RAD51D: variants seen among roughly 807,000 people sequenced by gnomAD.
The protein encoded by RAD51D is RAD51 paralog D.
A neutral mutation model predicts 44.1 loss-of-function variants in RAD51D; 38 were observed. The observed-to-expected ratio is 0.86, with a 90% confidence interval of 0.67 to 1.13. The LOEUF is 1.13. Among genes scored for constraint, RAD51D ranks in the 50% most tolerant of loss-of-function variants. RAD51D has a pLI of 0.00. For synonymous variants in RAD51D, 141 were observed against 166.6 expected (o/e 0.85, Z 1.18); for missense variants, 390 against 414.0 (o/e 0.94, Z 0.50).
chr17:35,103,207 T>G lies in RAD51D; in HGVS notation c.738+47A>C, dbSNP rs766565570. ...CTGACATTTAAGGGAAATAAAGAGC[T>G]CGCAATAACTAGAAATCAAGTTCAT... On this transcript the variant is annotated intron_variant, in intron 8 of 9. Coordinates refer to ENST00000345365, the MANE Select transcript of RAD51D (RefSeq NM_002878.4). The surrounding 1 kb of genome is among the most constrained non-coding windows in gnomAD (Gnocchi z 4.1). 146 of 1,543,320 alleles carry G rather than the reference T, an allele frequency of 9.5e-5. No homozygotes were observed. Among genetic ancestry groups the G allele is most frequent in the Non-Finnish European group, 1.2e-4 (133 of 1,134,104 alleles).
At chr17:35,107,946 C>A (rs28743178) in intron 3 of RAD51D, among the ~76,000 whole-genome samples, 5 of 151,458 alleles carry the variant, frequency 3.3e-5, no homozygotes, top group Admixed American at 6.6e-5. Context: ...GACGGGGTTT[C>A]ACCATGTTGG....
chr17:35,110,696 G>T (rs753591598), intron 3 of RAD51D, among the ~76,000 whole-genome samples: 3 of 152,206 alleles, frequency 2.0e-5, no homozygotes, highest in Non-Finnish European at 2.9e-5. Context: ...CTGTACCCTT[G>T]TCAAAAATCA....
At chr17:35,115,215 C>T (rs556715505) in intron 3 of RAD51D, 1 of 508,472 alleles carries the variant, frequency 2.0e-6, no homozygotes, top group Admixed American at 2.0e-5. Flanking sequence ...TATCCTCTGC[C>T]TTTCCCTCTG....
At chr17:35,110,925 G>A (rs1237022384) in intron 3 of RAD51D, among the ~76,000 whole-genome samples, 1 of 152,068 alleles carries the variant, frequency 6.6e-6, no homozygotes, top group Non-Finnish European at 1.5e-5. Flanking sequence ...GGCCAACATG[G>A]TGAAACCCCA....
Position 35,101,353 on chromosome 17 carries a change from T to C in RAD51D, c.751A>G (p.Ile251Val), listed in dbSNP as rs540273429. The change falls in exon 9 of 10, where the codon ATA becomes GTA. Residue 251 changes from isoleucine (I) to valine (V), a missense_variant. By Grantham distance (29) the Ile-to-Val change is conservative (BLOSUM62 3). Coordinates refer to ENST00000345365, the MANE Select transcript of RAD51D (RefSeq NM_002878.4). ...LGMAVVVTNH[I>V]TRDRDSGRLK... ...CTCCCGCTGTCCCTGTCTCGAGTTA[T>C]GTGGTTGGTCACCTGCAGCAGAAAC... 7 of 1,613,900 alleles carry C rather than the reference T, an allele frequency of 4.3e-6. No individual in the cohort carries two copies. The highest frequency in any genetic ancestry group is 1.7e-4 in the Middle Eastern group (1 of 6,060).
At position 35,119,154 on chromosome 17, in the gene RAD51D, G is replaced by A. The variant is rs876658968; in HGVS notation, c.101C>T (p.Ala34Val). The change falls in exon 2 of 10, where the codon GCA becomes GTA. Residue 34 changes from alanine to valine, a missense_variant. Coordinates refer to ENST00000345365, the MANE Select transcript of RAD51D (RefSeq NM_002878.4). ...RIKTVVDLVS[A>V]DLEEVAQKCG... ...TTTCTGAGCTACCTCTTCCAGGTCT[G>A]CAGAAACCAGGTCCACCACTGAAAA... is the stretch of plus-strand genomic sequence containing the variant. The A allele has an allele frequency of 5.6e-6, 9 of 1,613,798 alleles. No homozygotes were observed. In the African/African-American group the frequency reaches 6.7e-5, roughly 12 times the overall value.
At chr17:35,114,894 C>A (rs765731163) in intron 3 of RAD51D, among the ~76,000 whole-genome samples, 1 of 152,156 alleles carries the variant, frequency 6.6e-6, no homozygotes, top group African/African-American at 2.4e-5. Context: ...GCATGAATAT[C>A]TCAAGTTTCC....
rs1359941902 is a variant in RAD51D, at chr17:35,096,555, T to C, written c.*4398A>G. 2 of 152,222 alleles carry C rather than the reference T, an allele frequency of 1.3e-5. No individual in the cohort carries two copies. Among genetic ancestry groups the C allele is most frequent in the Non-Finnish European group, 2.9e-5 (2 of 68,064 alleles). The allele number at this position is 152,222 out of a possible 1,614,324, so 9.4% of individuals were successfully genotyped here. A position where few individuals can be genotyped will look rare whatever the true frequency, so the allele number is the denominator to read the frequency against. On this transcript the variant is annotated 3_prime_UTR_variant, in exon 10 of 10. Transcript: ENST00000345365. ...AAATTAACAAACCTCAGACTTCCTG[T>C]TATCAGAGATAATAAGTGTCCCTGC...
rs756619716 is a variant in RAD51D at position 35,119,690 on chromosome 17, C to T, written c.-77G>A. ...TCGCGGGGGGTCCTCTCCAGACGCC[C>T]CTCCCCTACCCCTTCCTAGAGAGGA... is the stretch of plus-strand genomic sequence containing the variant. On this transcript the variant is annotated 5_prime_UTR_variant, in exon 1 of 10. Transcript: ENST00000345365. 44 of 1,426,522 alleles carry T rather than the reference C, an allele frequency of 3.1e-5. No individual in the cohort carries two copies. Among genetic ancestry groups the T allele is most frequent in the Non-Finnish European group, 3.0e-5 (31 of 1,023,078 alleles). 88.4% of individuals were successfully genotyped at this position (1,426,522 alleles called of 1,614,324 possible).
At position 35,119,176 on chromosome 17, in the gene RAD51D, A is replaced by T. The variant is rs1567735916; in HGVS notation, c.83-4T>A. 1 of 1,613,016 alleles carries T rather than the reference A, an allele frequency of 6.2e-7. No homozygotes were observed. The highest frequency in any genetic ancestry group is 8.5e-7 in the Non-Finnish European group (1 of 1,178,948). ...TCTGCAGAAACCAGGTCCACCACTG[A>T]AAACAAAACACGTATAGCGGATTGG... is the stretch of plus-strand genomic sequence containing the variant. On this transcript the variant is annotated splice_polypyrimidine_tract_variant and splice_region_variant and intron_variant, in intron 1 of 9. Transcript: ENST00000345365.
chr17:35,117,802 G>A (rs1043307446), intron 3 of RAD51D, among the ~76,000 whole-genome samples: 4 of 152,212 alleles, frequency 2.6e-5, no homozygotes, highest in Admixed American at 2.0e-4. Flanking sequence ...CATCTGGACC[G>A]CAACTCCTTC....
chr17:35,119,093 T>C lies in RAD51D; in HGVS notation c.144+18A>G. The C allele has an allele frequency of 6.2e-7, 1 of 1,608,578 alleles. No individual in the cohort carries two copies. The highest frequency in any genetic ancestry group is 8.5e-7 in the Non-Finnish European group (1 of 1,174,950). ...TAAAAAGACACTCAGGTTTGGAATGTGGAGATCAGGAGCTCACCTTGTAAG... is the reference window on the plus strand; with the variant it reads ...TAAAAAGACACTCAGGTTTGGAATGCGGAGATCAGGAGCTCACCTTGTAAG... On this transcript the variant is annotated intron_variant, in intron 2 of 9. Coordinates refer to ENST00000345365, the MANE Select transcript of RAD51D (RefSeq NM_002878.4).
rs890474881 is a variant in RAD51D, at chr17:35,098,717, TA to T, written c.*2235del. 18 of 148,614 alleles carry T rather than the reference TA, an allele frequency of 1.2e-4. No homozygotes were observed. Among genetic ancestry groups the T allele is most frequent in the Admixed American group, 3.4e-4 (5 of 14,880 alleles). The allele number at this position is 148,614 out of a possible 1,614,324, so 9.2% of individuals were successfully genotyped here. A position where few individuals can be genotyped will look rare whatever the true frequency, so the allele number is the denominator to read the frequency against. On this transcript the variant is annotated 3_prime_UTR_variant, in exon 10 of 10. Transcript: ENST00000345365. The stretch of plus-strand genomic sequence containing the variant: ...CACCACACCCAGCCAATGTGGGAAT[TA>T]AAAAAAAAAGAGTCCTAGGAATCAA...
intron 3 of RAD51D, among the ~76,000 whole-genome samples, chr17:35,107,879 C>T (rs1430097883): frequency 2.7e-5 from 4 of 150,786 alleles, no homozygotes; most frequent in South Asian, 2.1e-4. Context: ...CTCAGCCTCC[C>T]GAGTAGCTGG....
At chr17:35,115,808 T>C (rs966049165) in intron 3 of RAD51D, among the ~76,000 whole-genome samples, 1 of 150,762 alleles carries the variant, frequency 6.6e-6, no homozygotes, top group African/African-American at 2.5e-5. Flanking sequence ...AGGCGGAGGT[T>C]GCAGTGAGCC....
In RAD51D at chr17:35,100,631, C is replaced by T. The variant is rs1213295264; in HGVS notation, c.*322G>A. 1.8e-6 allele frequency: 1 copy of T among 555,674 alleles called. No individual in the cohort carries two copies. Among genetic ancestry groups the T allele is most frequent in the East Asian group, 3.6e-5 (1 of 27,618 alleles). 34.4% of individuals were successfully genotyped at this position (555,674 alleles called of 1,614,324 possible). On this transcript the variant is annotated 3_prime_UTR_variant, in exon 10 of 10. Transcript: ENST00000345365. The stretch of plus-strand genomic sequence containing the variant: ...CACAATGGTGATGCACAGGATTATC[C>T]ATCCAGTCGCCAGCATGCCTCATCA...
intron 3 of RAD51D, among the ~76,000 whole-genome samples, chr17:35,113,128 G>A (rs192355683): frequency 2.0e-5 from 3 of 152,236 alleles, no homozygotes; most frequent in Admixed American, 6.5e-5. Context: ...TCTATGCCAC[G>A]GCCTGTACCA....
rs191465789 is a variant in RAD51D, at chr17:35,119,056, G to C, written c.144+55C>G. The C allele has an allele frequency of 1.2e-5, 19 of 1,547,844 alleles. No individual in the cohort carries two copies. The African/African-American group carries it at 2.4e-4, about 20-fold the overall frequency. On this transcript the variant is annotated intron_variant, in intron 2 of 9. Coordinates refer to ENST00000345365, the MANE Select transcript of RAD51D (RefSeq NM_002878.4). ...TGAGCCACCGCGCCCAGCTGGCTTG[G>C]GATGGACTTTTTAAAAAGACACTCA...
intron 3 of RAD51D, among the ~76,000 whole-genome samples, chr17:35,116,486 T>G (rs754608760): frequency 6.6e-6 from 1 of 151,342 alleles, no homozygotes; most frequent in Non-Finnish European, 1.5e-5. Context: ...TTTATTTTTA[T>G]TTTATTTTAT....
Sources: gnomAD v4.1 joint callset for allele counts (sites outside exome capture counted in the v4.1 genomes callset) on GRCh38, gnomAD v4.1.1 for gene constraint, Gnocchi (gnomAD v3.1) non-coding constraint, MANE v1.5 for transcripts, NCBI Gene and HGNC (gene_info 2026-07-23, HGNC 2026-07-21) for gene names.